The following PRKN variants were observed in gnomAD, a reference collection of about 807,000 sequenced individuals.
PRKN encodes E3 ubiquitin-protein ligase parkin.
In PRKN, 56 loss-of-function variants were observed where a neutral mutation model predicts 59.5. The observed-to-expected ratio is 0.94, with a 90% CI of 0.76 to 1.18. PRKN has a LOEUF of 1.18. Ranked by LOEUF, PRKN falls within the 50% of genes most tolerant of loss-of-function variation. The pLI, the probability that PRKN is intolerant of heterozygous loss-of-function variation, is 0.00. For synonymous variants in PRKN, 250 were observed against 222.1 expected, an observed-to-expected ratio of 1.13 and a Z score of -1.12; for missense variants, 657 against 596.4, an observed-to-expected ratio of 1.10 and a Z score of -1.06.
chr6:161,943,123 T>A (rs1216202397), intron 6 of PRKN, among the ~76,000 whole-genome samples: 1 of 152,258 alleles, frequency 6.6e-6, no homozygotes, highest in African/African-American at 2.4e-5. Flanking sequence ...TAAGATATTT[T>A]AGGCTTATTA....
intron 1 of PRKN, among the ~76,000 whole-genome samples, chr6:162,624,779 C>T (rs1782818471): frequency 2.0e-5 from 3 of 152,144 alleles, no homozygotes; most frequent in Admixed American, 2.0e-4. Context: ...CCTTAGCCTC[C>T]CAAAGTGCTG....
intron 2 of PRKN, among the ~76,000 whole-genome samples, chr6:162,403,450 T>C (rs1452094251): frequency 6.6e-6 from 1 of 152,172 alleles, no homozygotes; most frequent in East Asian, 1.9e-4. Flanking sequence ...CGAGTTTTAT[T>C]TTTATCTACA....
chr6:161,609,336 T>C (rs995039004), intron 7 of PRKN, among the ~76,000 whole-genome samples: 3 of 152,334 alleles, frequency 2.0e-5, no homozygotes, highest in South Asian at 2.1e-4. Context: ...TCTGAGAAAT[T>C]TGAAGTGATA....
At chr6:161,624,405 T>C (rs1351618158) in intron 7 of PRKN, among the ~76,000 whole-genome samples, 1 of 152,248 alleles carries the variant, frequency 6.6e-6, no homozygotes, top group East Asian at 1.9e-4. Flanking sequence ...CACAATACCG[T>C]AACATAATGT....
chr6:162,192,121 T>C lies in PRKN; in HGVS notation c.534+9010A>G, dbSNP rs577480555. Among the ~76,000 whole-genome samples the C allele has an allele frequency of 3.9e-5, 6 of 152,310 alleles. No individual in the cohort carries two copies. The South Asian group carries it at 6.2e-4, about 16-fold the overall frequency. ...GGTTGAGTTTTCTCAAACCCTTCTA[T>C]GTAGTATCAAGAAATATTTCTCTTA... On this transcript the variant is annotated intron_variant, in intron 4 of 11. Coordinates refer to ENST00000366898, the MANE Select transcript of PRKN (RefSeq NM_004562.3).
At position 161,897,806 on chromosome 6, in the gene PRKN, G is replaced by A. The variant is rs531491731; in HGVS notation, c.734+75496C>T. Among the ~76,000 whole-genome samples, 247 of 116,358 alleles carry A rather than the reference G, an allele frequency of 2.1e-3. 1 individual carries two copies. The highest frequency in any genetic ancestry group is 3.2e-3 in the Non-Finnish European group (195 of 61,068). The allele number at this position is 116,358 out of a possible 152,430, so 76.3% of individuals were successfully genotyped here. The stretch of plus-strand genomic sequence containing the variant: ...ACCAAGGTGAAACCCCGTCTCTACT[G>A]AAAATACAAAAAGTTCCGGGCGTAG... On this transcript the variant is annotated intron_variant, in intron 6 of 11. Transcript: ENST00000366898.
intron 9 of PRKN, among the ~76,000 whole-genome samples, chr6:161,469,567 G>A (rs957105367): frequency 1.4e-5 from 2 of 139,584 alleles, no homozygotes; most frequent in Non-Finnish European, 3.0e-5. Flanking sequence ...GAGAGAGAGA[G>A]AGAGAAAGAG....
At chr6:161,661,880 G>T (rs920829364) in intron 7 of PRKN, among the ~76,000 whole-genome samples, 1 of 151,980 alleles carries the variant, frequency 6.6e-6, no homozygotes, top group Non-Finnish European at 1.5e-5. Flanking sequence ...AAAATTAGCC[G>T]GGTGTGGTGG....
At position 161,352,755 on chromosome 6, in the gene PRKN, G is replaced by GTGTGTGTGTGTGTATATA. The variant is rs766949960; in HGVS notation, c.1286-2545_1286-2544insTATATACACACACACACA. ...TGTGTGTGTGTGTGTGTGTGTGTGT[G>GTGTGTGTGTGTGTATATA]TATATATATATATATATTTTATTTT... On this transcript the variant is annotated intron_variant, in intron 11 of 11. Coordinates refer to ENST00000366898, the MANE Select transcript of PRKN (RefSeq NM_004562.3). This position sits in a 1 kb window ranked among gnomAD's most constrained non-coding sequence, Gnocchi z 5.8. Among the ~76,000 whole-genome samples, 4 of 134,378 alleles carry GTGTGTGTGTGTGTATATA rather than the reference G, an allele frequency of 3.0e-5. No individual in the cohort carries two copies. Among genetic ancestry groups the GTGTGTGTGTGTGTATATA allele is most frequent in the Non-Finnish European group, 4.8e-5 (3 of 62,900 alleles). 88.2% of individuals were successfully genotyped at this position (134,378 alleles called of 152,430 possible). A position where few individuals can be genotyped will look rare whatever the true frequency, so the allele number is the denominator to read the frequency against.
intron 1 of PRKN, among the ~76,000 whole-genome samples, chr6:162,631,774 T>G (rs1344908978): frequency 6.6e-6 from 1 of 152,132 alleles, no homozygotes; most frequent in African/African-American, 2.4e-5. Flanking sequence ...AGAGCCAATG[T>G]TGACTAGAGT....
rs770005788 is a variant in PRKN, at chr6:161,566,700, C to T, written c.933+2655G>A. ...GGGATTACAGGTGTGAGCTGCCACG[C>T]CTGGCCTCCTCCCACTTTATTATTG... On this transcript the variant is annotated intron_variant, in intron 8 of 11. Transcript: ENST00000366898. This position sits in a 1 kb window ranked among gnomAD's most constrained non-coding sequence, Gnocchi z 4.1. Among the ~76,000 whole-genome samples, 1 of 152,176 alleles carries T rather than the reference C, an allele frequency of 6.6e-6. No homozygotes were observed. The highest frequency in any genetic ancestry group is 2.4e-5 in the African/African-American group (1 of 41,444).
intron 7 of PRKN, among the ~76,000 whole-genome samples, chr6:161,611,138 C>T (rs902856557): frequency 1.3e-5 from 2 of 151,982 alleles, no homozygotes; most frequent in African/African-American, 4.8e-5. Flanking sequence ...TAATTGAGTA[C>T]ATAAAATCTA....
In PRKN at chr6:161,349,450, T is replaced by C; in HGVS notation, c.*649A>G. 4.3e-6 allele frequency: 1 copy of C among 231,736 alleles called. No homozygotes were observed. The highest frequency in any genetic ancestry group is 8.5e-6 in the Non-Finnish European group (1 of 117,142). 14.4% of individuals were successfully genotyped at this position (231,736 alleles called of 1,614,324 possible). A position where few individuals can be genotyped will look rare whatever the true frequency, so the allele number is the denominator to read the frequency against. ...ACTTTGTGACAAGTTGATTTACGCATAGTTGGTATTTCATTAATGCGATTT... is the reference window on the plus strand; with the variant it reads ...ACTTTGTGACAAGTTGATTTACGCACAGTTGGTATTTCATTAATGCGATTT... On this transcript the variant is annotated 3_prime_UTR_variant, in exon 12 of 12. Coordinates refer to ENST00000366898, the MANE Select transcript of PRKN (RefSeq NM_004562.3). The surrounding 1 kb of genome is among the most constrained non-coding windows in gnomAD (Gnocchi z 5.5).
intron 6 of PRKN, among the ~76,000 whole-genome samples, chr6:161,853,330 G>A (rs1398382825): frequency 6.6e-6 from 1 of 152,174 alleles, no homozygotes; most frequent in African/African-American, 2.4e-5. Flanking sequence ...TCAAATGACT[G>A]CTTACGGATA....
chr6:162,428,772 CTAGACTAGCCTCCCAAT>C (rs1418243511), intron 2 of PRKN, among the ~76,000 whole-genome samples: 1 of 152,200 alleles, frequency 6.6e-6, no homozygotes, highest in Non-Finnish European at 1.5e-5. Flanking sequence ...CCCCAAACAC[CTAGACTAGCCTCCCAAT>C]TAGCCTCCTT....
intron 6 of PRKN, among the ~76,000 whole-genome samples, chr6:161,903,815 T>TA (rs1265409224): frequency 6.8e-6 from 1 of 146,004 alleles, no homozygotes; most frequent in African/African-American, 2.5e-5. Context: ...TTTTTTTTTT[T>TA]AATGGTCCCT....
At chr6:162,545,757 CAT>C (rs1280509137) in intron 1 of PRKN, among the ~76,000 whole-genome samples, 2 of 152,096 alleles carry the variant, frequency 1.3e-5, no homozygotes, top group Non-Finnish European at 2.9e-5. Flanking sequence ...AACTTTTAAA[CAT>C]GTTTGATAAT....
intron 9 of PRKN, among the ~76,000 whole-genome samples, chr6:161,504,332 T>C (rs936985958): frequency 6.6e-6 from 1 of 152,152 alleles, no homozygotes; most frequent in Non-Finnish European, 1.5e-5. Context: ...GACCACTCCC[T>C]GCCAGGCATA....
intron 1 of PRKN, among the ~76,000 whole-genome samples, chr6:162,492,427 G>A (rs1372434367): frequency 1.3e-5 from 2 of 152,162 alleles, no homozygotes. Flanking sequence ...TGTCTCACAG[G>A]TCCCATCCCT....
Sources: gnomAD v4.1 joint callset for allele counts (sites outside exome capture counted in the v4.1 genomes callset) on GRCh38, gnomAD v4.1.1 for gene constraint, Gnocchi (gnomAD v3.1) non-coding constraint, MANE v1.5 for transcripts, NCBI Gene and HGNC (gene_info 2026-07-23, HGNC 2026-07-21) for gene names.